PCP2: variants seen among roughly 807,000 people sequenced by gnomAD.
The protein encoded by PCP2 is Purkinje cell protein 2, also known as Purkinje cell protein 2 homolog.
Under a neutral mutation model 18.3 loss-of-function variants are expected in PCP2, and 21 were observed. The observed-to-expected ratio is 1.14, with a 90% CI of 0.81 to 1.65. The LOEUF (loss-of-function observed/expected upper bound fraction) is 1.65. Ranked by LOEUF, PCP2 falls within the 40% of genes most tolerant of loss-of-function variation. The pLI is 0.00. For synonymous variants in PCP2, 85 were observed against 77.6 expected, an observed-to-expected ratio of 1.10 and a Z score of -0.50; for missense variants, 202 against 201.8, an observed-to-expected ratio of 1.00 and a Z score of 0.00.
chr19:7,634,320 C>A (rs1363381097), upstream of PCP2, among the ~76,000 whole-genome samples: 3 of 152,182 alleles, frequency 2.0e-5, no homozygotes, highest in Non-Finnish European at 2.9e-5. Context: ...CCCAAGACGC[C>A]TTTACGGAAA....
upstream of PCP2, among the ~76,000 whole-genome samples, chr19:7,634,131 G>A (rs982146451): frequency 6.6e-6 from 1 of 152,210 alleles, no homozygotes; most frequent in African/African-American, 2.4e-5. Context: ...ATGCCAGGTT[G>A]AGCTATCTCC....
Position 7,632,435 on chromosome 19 carries a change from C to A in PCP2, c.249G>T (p.Val83=). 6.2e-7 allele frequency: 1 copy of A among 1,613,966 alleles called. No homozygotes were observed. The highest frequency in any genetic ancestry group is 1.3e-5 in the African/African-American group (1 of 75,030). ...TQGRRMDDQR[V]TVSSLPGFQP... ...GGAAGCCGGGCAGGCTGCTGACTGT[C>A]ACACGTTGGTCATCCATGCGGCGGC... is the stretch of plus-strand genomic sequence containing the variant. Residue 83 remains valine (V), a synonymous_variant, in exon 3 of 4, where the codon GTG becomes GTT. Transcript: ENST00000311069. This position sits in a 1 kb window ranked among gnomAD's most constrained non-coding sequence, Gnocchi z 5.2.
At chr19:7,634,136 ATCTCC>A (rs1177831318), upstream of PCP2, among the ~76,000 whole-genome samples, 2 of 152,152 alleles carry the variant, frequency 1.3e-5, no homozygotes, top group African/African-American at 4.8e-5. Flanking sequence ...AGGTTGAGCT[ATCTCC>A]TCTCCTCTAT....
chr19:7,631,711 T>TG lies in PCP2; in HGVS notation c.388dup (p.Gln130ProfsTer11), dbSNP rs2031312226. ...CCCTCAGGGGGCTTGTGTCGGGGGC[T>TG]GGGGGCTGCTGTTCCGACGGAAGCC... On this transcript the variant is annotated frameshift_variant, in exon 4 of 4. Transcript: ENST00000311069. LOFTEE classifies it high-confidence loss of function. The TG allele has an allele frequency of 3.5e-6, 5 of 1,447,768 alleles. No homozygotes were observed. Among genetic ancestry groups the TG allele is most frequent in the African/African-American group, 1.5e-5 (1 of 68,692 alleles). The allele number at this position is 1,447,768 out of a possible 1,614,324, so 89.7% of individuals were successfully genotyped here.
In PCP2 at chr19:7,631,779, G is replaced by A. The variant is rs769723500; in HGVS notation, c.321C>T (p.Leu107=). 10 of 1,417,418 alleles carry A rather than the reference G, an allele frequency of 7.1e-6. No homozygotes were observed. Among genetic ancestry groups the A allele is most frequent in the Middle Eastern group, 1.9e-4 (1 of 5,152 alleles). The allele number at this position is 1,417,418 out of a possible 1,614,324, so 87.8% of individuals were successfully genotyped here. A position where few individuals can be genotyped will look rare whatever the true frequency, so the allele number is the denominator to read the frequency against. ...GAGGGGTGAGCAGGGGTTGGGGACT[G>A]AGGGTCCCAGCTCGTTTCTGTGCTC... The part of the protein sequence containing the change: ...KDGAQKRAGT[L]SPQPLLTPQD... The change falls in exon 4 of 4, where the codon CTC becomes CTT. Residue 107 remains leucine (L), a synonymous_variant. Coordinates refer to ENST00000311069, the MANE Select transcript of PCP2 (RefSeq NM_174895.3).
upstream of PCP2, among the ~76,000 whole-genome samples, chr19:7,635,466 A>G (rs762692171): frequency 1.3e-5 from 2 of 152,226 alleles, no homozygotes; most frequent in Non-Finnish European, 2.9e-5. Flanking sequence ...AGGCCAAGGC[A>G]GGAGGATCCC....
intron 1 of PCP2, chr19:7,633,063 G>A: frequency 7.3e-7 from 1 of 1,364,892 alleles, no homozygotes; most frequent in Non-Finnish European, 9.7e-7. Flanking sequence ...ACTTCACGTG[G>A]TACCGCTTCA....
chr19:7,631,650 T>G lies in PCP2; in HGVS notation c.*39A>C. 1 of 1,451,338 alleles carries G rather than the reference T, an allele frequency of 6.9e-7. No homozygotes were observed. Among genetic ancestry groups the G allele is most frequent in the South Asian group, 1.5e-5 (1 of 68,850 alleles). The allele number at this position is 1,451,338 out of a possible 1,614,324, so 89.9% of individuals were successfully genotyped here. ...TTTAAGTGTTTTATTCTTTTATCAG[T>G]TTTTGGGGGCCGAGTGAGACCCAGG... On this transcript the variant is annotated 3_prime_UTR_variant, in exon 4 of 4. Coordinates refer to ENST00000311069, the MANE Select transcript of PCP2 (RefSeq NM_174895.3).
chr19:7,636,879 A>G, upstream of PCP2: 2 of 380,674 alleles, frequency 5.3e-6, no homozygotes, highest in Non-Finnish European at 9.3e-6. Context: ...CACGCAAGCC[A>G]GGAAGTGTGT....
Position 7,633,516 on chromosome 19 carries a change from G to T in PCP2, c.-59C>A. 2 of 1,529,990 alleles carry T rather than the reference G, an allele frequency of 1.3e-6. No homozygotes were observed. Among genetic ancestry groups the T allele is most frequent in the South Asian group, 2.4e-5 (2 of 83,518 alleles). The allele number at this position is 1,529,990 out of a possible 1,614,324, so 94.8% of individuals were successfully genotyped here. ...CTGCCCCGGCCCAGTGCCAGAGAGGGCCTTTTAAACGTCCAGGACGTGGGG... is the reference window on the plus strand; with the variant it reads ...CTGCCCCGGCCCAGTGCCAGAGAGGTCCTTTTAAACGTCCAGGACGTGGGG... On this transcript the variant is annotated 5_prime_UTR_variant, in exon 1 of 4. Transcript: ENST00000311069.
rs146670929 is a variant in PCP2, at chr19:7,632,553, C to T, written c.167-36G>A. On this transcript the variant is annotated intron_variant, in intron 2 of 3. Coordinates refer to ENST00000311069, the MANE Select transcript of PCP2 (RefSeq NM_174895.3). This position sits in a 1 kb window ranked among gnomAD's most constrained non-coding sequence, Gnocchi z 5.2. ...GTTCACAGACTTGGGAGGACACAGC[C>T]GGAGTGGGGGCCCCCAACCCTACCC... The T allele has an allele frequency of 5.2e-4, 842 of 1,607,458 alleles. 3 individuals are homozygous for T. The African/African-American group carries it at 9.8e-3, about 19-fold the overall frequency.
chr19:7,632,540 G>A lies in PCP2; in HGVS notation c.167-23C>T. The A allele has an allele frequency of 6.2e-7, 1 of 1,610,986 alleles. No individual in the cohort carries two copies. The highest frequency in any genetic ancestry group is 8.5e-7 in the Non-Finnish European group (1 of 1,179,032). On this transcript the variant is annotated intron_variant, in intron 2 of 3. Transcript: ENST00000311069. The surrounding 1 kb of genome is among the most constrained non-coding windows in gnomAD (Gnocchi z 5.2). ...TCTCTGCGTGGACGTTCACAGACTT[G>A]GGAGGACACAGCCGGAGTGGGGGCC...
At chr19:7,633,337 A>AAACT (rs2146197675) in intron 1 of PCP2, 70 bp downstream of exon 1, 1 of 1,155,620 alleles carries the variant, frequency 8.7e-7, no homozygotes, top group Non-Finnish European at 1.2e-6. Context: ...GGTGCCCTAC[A>AAACT]AACTAGTCTT....
In PCP2 at chr19:7,633,429, T is replaced by G. The variant is rs1242881142; in HGVS notation, c.29A>C (p.Glu10Ala). The G allele has an allele frequency of 1.3e-6, 2 of 1,576,002 alleles. No individual in the cohort carries two copies. Among genetic ancestry groups the G allele is most frequent in the Non-Finnish European group, 1.7e-6 (2 of 1,159,900 alleles). The change falls in exon 1 of 4, where the codon GAA becomes GCA. Residue 10 changes from glutamate to alanine, a missense_variant. Coordinates refer to ENST00000311069, the MANE Select transcript of PCP2 (RefSeq NM_174895.3). ...CACCTCGGCACAGGGGCCTGAGCCT[T>G]CCTCCGTCTTCTCCTCCTGATCCAT... is the stretch of plus-strand genomic sequence containing the variant. MMDQEEKTEEGSGPCAEAGS... is the reference protein window; with the variant it reads MMDQEEKTEAGSGPCAEAGS...
intron 1 of PCP2, 48 bp downstream of exon 1, chr19:7,633,359 G>T (rs377333645): frequency 1.3e-6 from 2 of 1,524,450 alleles, no homozygotes; most frequent in Middle Eastern, 1.7e-4. Context: ...TCAATCATGG[G>T]CTCTGAGACC....
At chr19:7,634,552 T>C (rs1236939533), upstream of PCP2, among the ~76,000 whole-genome samples, 1 of 152,240 alleles carries the variant, frequency 6.6e-6, no homozygotes, top group Non-Finnish European at 1.5e-5. Context: ...TATTTTTATA[T>C]AGAGATGAGG....
chr19:7,635,793 T>G (rs1377529491), upstream of PCP2, among the ~76,000 whole-genome samples: 16 of 152,206 alleles, frequency 1.1e-4, no homozygotes. Context: ...AACTCCTACC[T>G]ACGGTTGCCA....
At position 7,631,640 on chromosome 19, in the gene PCP2, C is replaced by T. The variant is rs1133019; in HGVS notation, c.*49G>A. 12 of 1,455,526 alleles carry T rather than the reference C, an allele frequency of 8.2e-6. No homozygotes were observed. The South Asian group carries it at 1.3e-4, about 15-fold the overall frequency. 90.2% of individuals were successfully genotyped at this position (1,455,526 alleles called of 1,614,324 possible). On this transcript the variant is annotated 3_prime_UTR_variant, in exon 4 of 4. Transcript: ENST00000311069. ...TTGTTATTCATTTAAGTGTTTTATT[C>T]TTTTATCAGTTTTTGGGGGCCGAGT...
rs771505343 is a variant in PCP2, at chr19:7,632,702, G to T, written c.166+14C>A. ...TTCACGCCCCATGGACAGCACCCCC[G>T]TGCCCATGCTCACGGCTCTTGGTGG... On this transcript the variant is annotated intron_variant, in intron 2 of 3. Coordinates refer to ENST00000311069, the MANE Select transcript of PCP2 (RefSeq NM_174895.3). This position sits in a 1 kb window ranked among gnomAD's most constrained non-coding sequence, Gnocchi z 5.2. 1 of 1,552,442 alleles carries T rather than the reference G, an allele frequency of 6.4e-7. No individual in the cohort carries two copies. Among genetic ancestry groups the T allele is most frequent in the South Asian group, 1.2e-5 (1 of 85,532 alleles).
Sources: gnomAD v4.1 joint callset for allele counts (sites outside exome capture counted in the v4.1 genomes callset) on GRCh38, gnomAD v4.1.1 for gene constraint, Gnocchi (gnomAD v3.1) non-coding constraint, MANE v1.5 for transcripts, NCBI Gene and HGNC (gene_info 2026-07-23, HGNC 2026-07-21) for gene names.